Variants in INSYN2B observed in about 807,000 individuals in gnomAD.
INSYN2B encodes the protein protein INSYN2B.
In INSYN2B, 16 loss-of-function variants were observed where a neutral mutation model predicts 41.2. That is an observed-to-expected ratio of 0.39 (90% confidence interval 0.26 to 0.59). INSYN2B has a LOEUF of 0.59. INSYN2B is among the 20% of genes least tolerant of loss of function. The pLI is 0.57. For missense variants in INSYN2B, 608 were observed against 646.4 expected (o/e 0.94, Z 0.64); for synonymous variants, 245 against 244.4 (o/e 1.00, Z -0.02).
chr5:169,896,178 C>T (rs989342922), intron 1 of INSYN2B, among the ~76,000 whole-genome samples: 1 of 145,516 alleles, frequency 6.9e-6, no homozygotes, highest in East Asian at 2.1e-4. Flanking sequence ...CTCCTGGGGT[C>T]GGGGGGCGGG....
At position 169,864,119 on chromosome 5, in the gene INSYN2B, G is replaced by A. The variant is rs984635636; in HGVS notation, c.*154C>T. The A allele has an allele frequency of 5.2e-5, 35 of 677,382 alleles. No individual in the cohort carries two copies. Among genetic ancestry groups the A allele is most frequent in the Non-Finnish European group, 7.5e-5 (30 of 402,262 alleles). 42.0% of individuals were successfully genotyped at this position (677,382 alleles called of 1,614,324 possible). ...GGATCGTGGTCAGGTGTCCAGCAGC[G>A]GCTACATCAGCTCCAAGGCTCTTCT... On this transcript the variant is annotated 3_prime_UTR_variant, in exon 4 of 4. Transcript: ENST00000377365.
At chr5:169,881,793 C>T (rs1416292123) in intron 2 of INSYN2B, among the ~76,000 whole-genome samples, 1 of 152,186 alleles carries the variant, frequency 6.6e-6, no homozygotes, top group East Asian at 1.9e-4. Flanking sequence ...TCCTATACGG[C>T]AGTGCTGATT....
intron 1 of INSYN2B, among the ~76,000 whole-genome samples, chr5:169,964,797 G>T (rs989431032): frequency 1.1e-4 from 17 of 152,226 alleles, no homozygotes; most frequent in African/African-American, 4.1e-4. Flanking sequence ...TGTAAAAGGT[G>T]TATAATAATG....
At chr5:169,877,977 T>C (rs1323156030) in intron 3 of INSYN2B, among the ~76,000 whole-genome samples, 1 of 152,158 alleles carries the variant, frequency 6.6e-6, no homozygotes, top group African/African-American at 2.4e-5. Context: ...TCTTATTATT[T>C]TCCTTTAAAA....
intron 1 of INSYN2B, among the ~76,000 whole-genome samples, chr5:169,936,129 G>C (rs1295787770): frequency 6.6e-6 from 1 of 152,170 alleles, no homozygotes; most frequent in African/African-American, 2.4e-5. Context: ...AAAACCACCT[G>C]TCTGCCCTTG....
chr5:169,970,018 A>G (rs1029034371), intron 1 of INSYN2B, among the ~76,000 whole-genome samples: 1 of 152,264 alleles, frequency 6.6e-6, no homozygotes, highest in Non-Finnish European at 1.5e-5. Flanking sequence ...TGAGGCCTAC[A>G]GGCTGCCTTT....
chr5:169,887,951 G>A (rs1362304727), intron 1 of INSYN2B, among the ~76,000 whole-genome samples: 2 of 152,102 alleles, frequency 1.3e-5, no homozygotes, highest in Non-Finnish European at 2.9e-5. Flanking sequence ...AAAAGAAATT[G>A]TATCTCATTA....
chr5:169,906,351 A>G (rs1774278193), intron 1 of INSYN2B, among the ~76,000 whole-genome samples: 1 of 152,220 alleles, frequency 6.6e-6, no homozygotes, highest in Non-Finnish European at 1.5e-5. Context: ...CCAGCATTCA[A>G]TAAGCATTAG....
At chr5:169,920,054 C>T (rs1396610863) in intron 1 of INSYN2B, among the ~76,000 whole-genome samples, 1 of 152,122 alleles carries the variant, frequency 6.6e-6, no homozygotes, top group Non-Finnish European at 1.5e-5. Flanking sequence ...TAATCCACAA[C>T]ACAACTTTGT....
chr5:169,881,956 G>T (rs1043821282), intron 2 of INSYN2B, among the ~76,000 whole-genome samples: 1 of 152,140 alleles, frequency 6.6e-6, no homozygotes, highest in Non-Finnish European at 1.5e-5. Flanking sequence ...CTCCTATACT[G>T]GTGCTGAGTC....
At chr5:169,945,238 G>A (rs1024567840) in intron 1 of INSYN2B, among the ~76,000 whole-genome samples, 2 of 152,250 alleles carry the variant, frequency 1.3e-5, no homozygotes, top group Non-Finnish European at 2.9e-5. Context: ...CTCCAGGACT[G>A]TGTTATCATT....
intron 3 of INSYN2B, among the ~76,000 whole-genome samples, chr5:169,868,088 TA>T (rs1232871771): frequency 6.6e-6 from 1 of 152,184 alleles, no homozygotes; most frequent in African/African-American, 2.4e-5. Context: ...GTACCCCCTC[TA>T]AGATTTTAGG....
intron 3 of INSYN2B, among the ~76,000 whole-genome samples, chr5:169,881,065 G>A (rs1772614869): frequency 6.6e-6 from 1 of 152,164 alleles, no homozygotes; most frequent in African/African-American, 2.4e-5. Context: ...CTGTGTGAGC[G>A]AGACCGAATG....
chr5:169,890,610 G>A (rs1396801217), intron 1 of INSYN2B, among the ~76,000 whole-genome samples: 2 of 152,100 alleles, frequency 1.3e-5, no homozygotes, highest in East Asian at 1.9e-4. Flanking sequence ...ACATTCTGTT[G>A]TAAGTGGTCA....
At chr5:169,931,470 G>A (rs1465948052) in intron 1 of INSYN2B, among the ~76,000 whole-genome samples, 6 of 152,232 alleles carry the variant, frequency 3.9e-5, no homozygotes, top group Admixed American at 2.6e-4. Context: ...AGTGCACTAA[G>A]TTCCTGGCAT....
chr5:169,929,741 CA>C (rs1211612989), intron 1 of INSYN2B, among the ~76,000 whole-genome samples: 4,560 of 62,938 alleles, frequency 0.072, 85 homozygotes, highest in African/African-American at 0.16. Context: ...GACCCTGTCT[CA>C]AAAAAAAAAA....
At chr5:169,954,220 T>C (rs546428865) in intron 1 of INSYN2B, among the ~76,000 whole-genome samples, 13 of 152,380 alleles carry the variant, frequency 8.5e-5, no homozygotes, top group African/African-American at 3.1e-4. Flanking sequence ...GACTAACTCA[T>C]GGCTATGAAG....
At chr5:169,978,405 G>GGGGGGGT (rs1777809622) in intron 1 of INSYN2B, among the ~76,000 whole-genome samples, 1 of 95,016 alleles carries the variant, frequency 1.1e-5, no homozygotes, top group Non-Finnish European at 2.2e-5. Flanking sequence ...GGGGGGGGGG[G>GGGGGGGT]TGTAGGTGTG....
intron 1 of INSYN2B, among the ~76,000 whole-genome samples, chr5:169,904,753 A>T (rs926370139): frequency 1.3e-5 from 2 of 152,158 alleles, no homozygotes; most frequent in Admixed American, 6.5e-5. Flanking sequence ...CTACATTGGA[A>T]TTTCCATCAG....
Sources: allele counts gnomAD v4.1 joint callset (sites outside exome capture counted in the v4.1 genomes callset), GRCh38; gene constraint gnomAD v4.1.1; transcripts MANE v1.5; gene names NCBI Gene and HGNC (gene_info 2026-07-23, HGNC 2026-07-21).